The following GPC5 variants were observed in gnomAD, a reference collection of about 807,000 sequenced individuals.
GPC5 encodes glypican 5.
Under a neutral mutation model 53.9 loss-of-function variants are expected in GPC5, and 47 were observed. The ratio of observed to expected loss-of-function variants is 0.87; its 90% CI spans 0.69 to 1.11. The LOEUF (loss-of-function observed/expected upper bound fraction) is 1.11, where lower values mean the gene tolerates loss of function less well. Ranked by LOEUF, GPC5 falls within the 50% of genes most tolerant of loss-of-function variation. The pLI is 0.00. For synonymous variants in GPC5, 286 were observed against 263.3 expected (o/e 1.09, Z -0.84); for missense variants, 748 against 713.1 (o/e 1.05, Z -0.56).
At chr13:92,846,919 C>T (rs1203496351) in intron 7 of GPC5, among the ~76,000 whole-genome samples, 2 of 152,094 alleles carry the variant, frequency 1.3e-5, no homozygotes, top group African/African-American at 2.4e-5. Context: ...GCATTTTCAC[C>T]ATTGTTGGTG....
chr13:91,944,415 A>G (rs1157690833), intron 6 of GPC5, among the ~76,000 whole-genome samples: 1 of 152,056 alleles, frequency 6.6e-6, no homozygotes, highest in Non-Finnish European at 1.5e-5. Flanking sequence ...ATATTTCTTA[A>G]TATTTGCCTT....
At chr13:92,589,435 C>T (rs1883646952) in intron 7 of GPC5, among the ~76,000 whole-genome samples, 1 of 152,096 alleles carries the variant, frequency 6.6e-6, no homozygotes, top group Non-Finnish European at 1.5e-5. Context: ...CATTTTATTC[C>T]CCAGCTTTAT....
chr13:91,400,007 G>A (rs999730887), intron 1 of GPC5, among the ~76,000 whole-genome samples: 5 of 152,136 alleles, frequency 3.3e-5, no homozygotes, highest in African/African-American at 1.2e-4. Context: ...CCTGCTCCCC[G>A]TTTCCACCGC....
chr13:92,228,290 AC>A (rs1193448480), intron 7 of GPC5, among the ~76,000 whole-genome samples: 3 of 152,118 alleles, frequency 2.0e-5, no homozygotes, highest in Admixed American at 2.0e-4. Flanking sequence ...TGAAACCAAT[AC>A]TTATATAAAA....
In GPC5 at chr13:92,120,929, A is replaced by G. The variant is rs1222543153; in HGVS notation, c.1402-23901A>G. ...AATTCTTCTTGAAATTATTGTGGTA[A>G]TATTATTTCCTATCCACTAGCATAC... On this transcript the variant is annotated intron_variant, in intron 6 of 7. Coordinates refer to ENST00000377067, the MANE Select transcript of GPC5 (RefSeq NM_004466.6). 2.6e-5 allele frequency among the ~76,000 whole-genome samples: 4 copies of G among 152,078 alleles called. No individual in the cohort carries two copies. In the East Asian group the frequency reaches 5.8e-4, roughly 22 times the overall value.
At chr13:92,728,235 C>T (rs747900550) in intron 7 of GPC5, among the ~76,000 whole-genome samples, 1 of 151,436 alleles carries the variant, frequency 6.6e-6, no homozygotes, top group Non-Finnish European at 1.5e-5. Context: ...CTACATGCCT[C>T]TAGGAAAGAT....
intron 2 of GPC5, among the ~76,000 whole-genome samples, chr13:91,625,782 A>T (rs1267661743): frequency 1.3e-5 from 2 of 152,106 alleles, no homozygotes; most frequent in Non-Finnish European, 2.9e-5. Context: ...TACATCCTTT[A>T]TATATAGATA....
chr13:91,775,586 A>G (rs559171630), intron 5 of GPC5, among the ~76,000 whole-genome samples: 13 of 152,226 alleles, frequency 8.5e-5, no homozygotes, highest in African/African-American at 2.9e-4. Flanking sequence ...ATGCCCTTTC[A>G]TATCTCTATG....
chr13:91,567,987 G>C (rs918066593), intron 2 of GPC5, among the ~76,000 whole-genome samples: 1 of 152,138 alleles, frequency 6.6e-6, no homozygotes, highest in African/African-American at 2.4e-5. Flanking sequence ...GTTCTCACGA[G>C]ATCTGATGGT....
chr13:92,481,512 T>C (rs1178000414), intron 7 of GPC5, among the ~76,000 whole-genome samples: 1 of 152,182 alleles, frequency 6.6e-6, no homozygotes, highest in Non-Finnish European at 1.5e-5. Context: ...GTTGAGTTTG[T>C]CACTTTGTAT....
chr13:92,012,830 C>T (rs546235979), intron 6 of GPC5, among the ~76,000 whole-genome samples: 2 of 152,274 alleles, frequency 1.3e-5, no homozygotes, highest in South Asian at 2.1e-4. Flanking sequence ...TTGTCAGACT[C>T]GTGATGGGGG....
At chr13:91,779,599 G>T (rs770614250) in intron 5 of GPC5, among the ~76,000 whole-genome samples, 1 of 152,126 alleles carries the variant, frequency 6.6e-6, no homozygotes, top group African/African-American at 2.4e-5. Context: ...GGGCTCAAGT[G>T]GTCTGCCTGG....
chr13:92,727,574 C>T (rs1162653273), intron 7 of GPC5, among the ~76,000 whole-genome samples: 2 of 151,298 alleles, frequency 1.3e-5, no homozygotes, highest in Non-Finnish European at 3.0e-5. Context: ...TTACAAGTGG[C>T]CCCATTCAAT....
In GPC5 at chr13:92,795,347, C is replaced by T. The variant is rs150047159; in HGVS notation, c.1562-70935C>T. 4.8e-3 allele frequency among the ~76,000 whole-genome samples: 726 copies of T among 152,246 alleles called. 5 individuals carry two copies. Among genetic ancestry groups the T allele is most frequent in the African/African-American group, 0.017 (689 of 41,570 alleles). On this transcript the variant is annotated intron_variant, in intron 7 of 7. Coordinates refer to ENST00000377067, the MANE Select transcript of GPC5 (RefSeq NM_004466.6). ...GCTAGCCATATGTAGAAAGCTGAAA[C>T]TGGATCCCTTCCGTACACCTTATAC...
chr13:92,017,048 G>C (rs2040714149), intron 6 of GPC5, among the ~76,000 whole-genome samples: 1 of 152,012 alleles, frequency 6.6e-6, no homozygotes, highest in Admixed American at 6.6e-5. Flanking sequence ...GGTGGTGTTG[G>C]GAATCTCTAC....
intron 7 of GPC5, among the ~76,000 whole-genome samples, chr13:92,633,772 G>A (rs1282122098): frequency 6.6e-6 from 1 of 151,906 alleles, no homozygotes; most frequent in Non-Finnish European, 1.5e-5. Flanking sequence ...AATTACTAAT[G>A]GCTTTAATAG....
intron 6 of GPC5, among the ~76,000 whole-genome samples, chr13:91,950,686 T>C (rs2040018768): frequency 6.6e-6 from 1 of 152,224 alleles, no homozygotes; most frequent in Non-Finnish European, 1.5e-5. Flanking sequence ...GTATCTACCA[T>C]GTGCTGTATA....
rs1319653706 is a variant in GPC5 at position 92,520,007 on chromosome 13, G to C, written c.1562-346275G>C. Among the ~76,000 whole-genome samples the C allele has an allele frequency of 2.0e-5, 3 of 152,180 alleles. No individual in the cohort carries two copies. The East Asian group carries it at 5.8e-4, about 29-fold the overall frequency. On this transcript the variant is annotated intron_variant, in intron 7 of 7. Transcript: ENST00000377067. ...CAGAGAATACTATAAACACCTCTAT[G>C]TAAATAAACTAGAAAATGTAGAAGA... is the stretch of plus-strand genomic sequence containing the variant.
intron 1 of GPC5, among the ~76,000 whole-genome samples, chr13:91,405,928 T>C (rs1241754269): frequency 1.3e-5 from 2 of 152,172 alleles, no homozygotes; most frequent in Non-Finnish European, 2.9e-5. Context: ...CATGCCACCA[T>C]GCCCAGCTAA....
Sources: gnomAD v4.1 joint callset for allele counts (sites outside exome capture counted in the v4.1 genomes callset) on GRCh38, gnomAD v4.1.1 for gene constraint, MANE v1.5 for transcripts, NCBI Gene and HGNC (gene_info 2026-07-23, HGNC 2026-07-21) for gene names.